Variants in SEMA3A observed in about 807,000 individuals in gnomAD.
SEMA3A encodes semaphorin-3A.
In SEMA3A, 29 loss-of-function variants were observed where a neutral mutation model predicts 97.9. The observed-to-expected ratio is 0.30, with a 90% confidence interval of 0.22 to 0.40. The LOEUF (loss-of-function observed/expected upper bound fraction) is 0.40. SEMA3A is among the 10% of genes least tolerant of loss of function. The pLI is 1.00. For missense variants in SEMA3A, 763 were observed against 951.3 expected (o/e 0.80, Z 2.60); for synonymous variants, 321 against 323.7 (o/e 0.99, Z 0.09).
intron 15 of SEMA3A, among the ~76,000 whole-genome samples, chr7:83,973,408 AAAAG>A (rs1024173265): frequency 7.2e-5 from 11 of 151,946 alleles, no homozygotes; most frequent in African/African-American, 2.7e-4. Flanking sequence ...AAAAGTACAT[AAAAG>A]AATGGTGTAT....
intron 3 of SEMA3A, among the ~76,000 whole-genome samples, chr7:84,277,321 T>C (rs1800328156): frequency 1.3e-5 from 2 of 152,038 alleles, no homozygotes; most frequent in Admixed American, 1.3e-4. Context: ...GATGTAATGA[T>C]AGATATAGAT....
Position 83,985,443 on chromosome 7 carries a change from G to A in SEMA3A, c.1487C>T (p.Thr496Ile). The part of the protein sequence containing the change: ...PTAISAMELS[T>I]KQQQLYIGST... ...AATACATAATGATAGTACCTGCTTA[G>A]TGGAAAGCTCCATTGCTGAAATAGC... is the stretch of plus-strand genomic sequence containing the variant. Residue 496 changes from threonine (T) to isoleucine (I), a missense_variant, in exon 13 of 17, where the codon ACT (threonine) becomes ATT (isoleucine). By Grantham distance (89) the Thr-to-Ile change is moderately conservative (BLOSUM62 -1). Coordinates refer to ENST00000265362, the MANE Select transcript of SEMA3A (RefSeq NM_006080.3). 1.2e-6 allele frequency: 2 copies of A among 1,609,652 alleles called. No homozygotes were observed. The highest frequency in any genetic ancestry group is 1.7e-6 in the Non-Finnish European group (2 of 1,176,572).
At chr7:84,406,701 C>T (rs1269703312) in intron 1 of SEMA3A, among the ~76,000 whole-genome samples, 5 of 152,138 alleles carry the variant, frequency 3.3e-5, no homozygotes, top group Non-Finnish European at 1.5e-5. Flanking sequence ...AGCTTATCCA[C>T]CATGATCAAG....
intron 2 of SEMA3A, among the ~76,000 whole-genome samples, chr7:84,316,162 T>G (rs79790890): frequency 3.7e-5 from 4 of 106,930 alleles, no homozygotes; most frequent in African/African-American, 1.1e-4. Flanking sequence ...AAAAAAAAAG[T>G]GCTCCCTGTT....
rs538462126 is a variant in SEMA3A, at chr7:84,063,253, C to A, written c.454-2695G>T. Among the ~76,000 whole-genome samples the A allele has an allele frequency of 1.5e-4, 23 of 150,644 alleles. No individual in the cohort carries two copies. In the South Asian group the frequency reaches 4.7e-3, roughly 31 times the overall value. ...CTAACAAACAGAAAGGACATCCACA[C>A]CAAAAACCCATCTGTACATCACCAT... On this transcript the variant is annotated intron_variant, in intron 4 of 16. Transcript: ENST00000265362.
intron 1 of SEMA3A, among the ~76,000 whole-genome samples, chr7:84,150,605 G>C (rs1049556228): frequency 6.6e-6 from 1 of 152,140 alleles, no homozygotes; most frequent in Non-Finnish European, 1.5e-5. Context: ...ATGGAGTCTC[G>C]CTGATTGCTA....
At chr7:84,138,569 T>C (rs73177452) in intron 1 of SEMA3A, among the ~76,000 whole-genome samples, 6,636 of 152,180 alleles carry the variant, frequency 0.044, 175 homozygotes, top group South Asian at 0.072. Flanking sequence ...ATGTATGAAA[T>C]CATCATGAAA....
chr7:84,424,542 A>C (rs1218806345), intron 1 of SEMA3A, among the ~76,000 whole-genome samples: 1 of 92,918 alleles, frequency 1.1e-5, no homozygotes, highest in Non-Finnish European at 1.8e-5. Flanking sequence ...ATATATAAAT[A>C]TTAATATATA....
chr7:84,029,464 T>C (rs1791660533), intron 6 of SEMA3A, among the ~76,000 whole-genome samples: 1 of 152,198 alleles, frequency 6.6e-6, no homozygotes, highest in Non-Finnish European at 1.5e-5. Context: ...TGTGTTTTGA[T>C]TAATCTAGCT....
intron 3 of SEMA3A, among the ~76,000 whole-genome samples, chr7:84,205,299 ACTAGGGAATC>A (rs1376384274): frequency 1.3e-5 from 2 of 152,194 alleles, no homozygotes; most frequent in Non-Finnish European, 2.9e-5. Context: ...TTTTCAGAAC[ACTAGGGAATC>A]CTGATTGGCT....
intron 1 of SEMA3A, among the ~76,000 whole-genome samples, chr7:84,141,812 T>G (rs1796302154): frequency 6.6e-6 from 1 of 152,138 alleles, no homozygotes; most frequent in Non-Finnish European, 1.5e-5. Context: ...CTGCATTAGT[T>G]TGCTAAGGAT....
At position 84,286,751 on chromosome 7, in the gene SEMA3A, C is replaced by T. The variant is rs561627993; in HGVS notation, c.-83+20456G>A. ...CCATCCACACCCTAACTCAGAGCAG[C>T]TCTTATTCTTCAAGAATATGTTGTA... On this transcript the variant is annotated intron_variant, in intron 3 of 3. Transcript: ENST00000424555. Among the ~76,000 whole-genome samples the T allele has an allele frequency of 5.9e-5, 9 of 152,168 alleles. No homozygotes were observed. The South Asian group carries it at 1.7e-3, about 28-fold the overall frequency.
intron 3 of SEMA3A, among the ~76,000 whole-genome samples, chr7:84,208,125 AC>A (rs1165802158): frequency 3.3e-5 from 5 of 152,176 alleles, no homozygotes; most frequent in Non-Finnish European, 7.4e-5. Context: ...TAGTTATTAA[AC>A]TTTTGTACCA....
At chr7:84,271,366 T>C (rs962659722) in intron 3 of SEMA3A, among the ~76,000 whole-genome samples, 2 of 152,092 alleles carry the variant, frequency 1.3e-5, no homozygotes, top group African/African-American at 2.4e-5. Flanking sequence ...AGTGTGCTAA[T>C]TTTAAAGGCA....
At chr7:84,166,518 C>T (rs1265481890) in intron 1 of SEMA3A, among the ~76,000 whole-genome samples, 1 of 148,716 alleles carries the variant, frequency 6.7e-6, no homozygotes, top group Non-Finnish European at 1.5e-5. Flanking sequence ...TTGCAGTGAG[C>T]CGAGATTGTG....
intron 3 of SEMA3A, among the ~76,000 whole-genome samples, chr7:84,255,601 C>G (rs1799700391): frequency 6.6e-6 from 1 of 152,040 alleles, no homozygotes; most frequent in Non-Finnish European, 1.5e-5. Flanking sequence ...TTGGTCTAAC[C>G]TAGAAAACTT....
chr7:84,199,193 C>T (rs888622629), upstream of SEMA3A, among the ~76,000 whole-genome samples: 1 of 152,020 alleles, frequency 6.6e-6, no homozygotes, highest in Non-Finnish European at 1.5e-5. Flanking sequence ...CTGTATTTGT[C>T]CAGAAAAGAA....
At chr7:84,350,423 T>C (rs113360712) in intron 2 of SEMA3A, among the ~76,000 whole-genome samples, 3,493 of 152,236 alleles carry the variant, frequency 0.023, 136 homozygotes, top group African/African-American at 0.079. Context: ...TCTAATTGAA[T>C]AAAAGTTTTA....
At chr7:84,119,075 C>T (rs1293565236) in intron 3 of SEMA3A, among the ~76,000 whole-genome samples, 1 of 152,008 alleles carries the variant, frequency 6.6e-6, no homozygotes, top group African/African-American at 2.4e-5. Flanking sequence ...ATTTTATTTA[C>T]TTCTAAATAT....
Sources: gnomAD v4.1 joint callset for allele counts (sites outside exome capture counted in the v4.1 genomes callset) on GRCh38, gnomAD v4.1.1 for gene constraint, MANE v1.5 for transcripts, NCBI Gene and HGNC (gene_info 2026-07-23, HGNC 2026-07-21) for gene names.